TRAK1: variants seen among roughly 807,000 people sequenced by gnomAD.
TRAK1 encodes the protein trafficking kinesin-binding protein 1.
TRAK1 carries 33 observed loss-of-function variants against 92.1 expected under a neutral mutation model. The ratio of observed to expected loss-of-function variants is 0.36; its 90% CI spans 0.27 to 0.48. The LOEUF is 0.48. Ranked by LOEUF, TRAK1 falls within the 20% of genes least tolerant of loss-of-function variation. TRAK1 has a pLI of 0.99. For synonymous variants in TRAK1, 521 were observed against 517.3 expected, an observed-to-expected ratio of 1.01 and a Z score of -0.10; for missense variants, 1,123 against 1,257.9, an observed-to-expected ratio of 0.89 and a Z score of 1.62.
chr3:42,044,833 T>C (rs769280985), intron 1 of TRAK1, among the ~76,000 whole-genome samples: 1 of 146,694 alleles, frequency 6.8e-6, no homozygotes, highest in Non-Finnish European at 1.5e-5. Context: ...TTTCCTGTGC[T>C]CTGTTTTTTT....
intron 2 of TRAK1, among the ~76,000 whole-genome samples, chr3:42,157,036 C>T (rs765579559): frequency 1.3e-5 from 2 of 151,736 alleles, no homozygotes; most frequent in Non-Finnish European, 2.9e-5. Context: ...GCCTGTAATC[C>T]AGTTACTTGG....
intron 1 of TRAK1, among the ~76,000 whole-genome samples, chr3:42,068,963 A>G (rs1297871147): frequency 1.3e-5 from 2 of 152,266 alleles, no homozygotes; most frequent in Non-Finnish European, 2.9e-5. Flanking sequence ...ACAGGATTTG[A>G]ACTTATAGTG....
At chr3:42,110,484 TCCTCCTGCCTTTGCAGCATA>T (rs959441616) in intron 1 of TRAK1, among the ~76,000 whole-genome samples, 4 of 152,132 alleles carry the variant, frequency 2.6e-5, no homozygotes, top group African/African-American at 9.7e-5. Flanking sequence ...CTGAAAGGGT[TCCTCCTGCCTTTGCAGCATA>T]AGAGCTGAAG....
chr3:42,027,338 A>G (rs944784044), intron 1 of TRAK1, among the ~76,000 whole-genome samples: 18 of 152,264 alleles, frequency 1.2e-4, no homozygotes, highest in African/African-American at 4.3e-4. Context: ...CTTGGCTAAC[A>G]TAGTGAAACC....
chr3:42,058,482 C>T (rs1248830355), intron 1 of TRAK1, among the ~76,000 whole-genome samples: 4 of 151,942 alleles, frequency 2.6e-5, no homozygotes, highest in Admixed American at 1.3e-4. Context: ...GGATTACAGG[C>T]GCCCCCGCCA....
chr3:42,154,896 G>A (rs1198040255), intron 2 of TRAK1, among the ~76,000 whole-genome samples: 2 of 152,018 alleles, frequency 1.3e-5, no homozygotes, highest in East Asian at 3.9e-4. Flanking sequence ...AAGGAGATGG[G>A]GAGCAGTGCT....
intron 10 of TRAK1, 130 bp downstream of exon 10, chr3:42,195,071 C>T (rs1350358428): frequency 1.7e-6 from 2 of 1,153,484 alleles, no homozygotes; most frequent in Non-Finnish European, 2.4e-6. Context: ...AGATCTGAGT[C>T]TGAATCAAGG....
chr3:42,186,878 AC>A (rs1704950524), intron 4 of TRAK1, among the ~76,000 whole-genome samples: 1 of 152,240 alleles, frequency 6.6e-6, no homozygotes, highest in African/African-American at 2.4e-5. Context: ...TCCATGGAAG[AC>A]GTAATAATTC....
At position 42,057,385 on chromosome 3, in the gene TRAK1, G is replaced by T. The variant is rs184792119; in HGVS notation, c.-518-29719G>T. 2.0e-3 allele frequency among the ~76,000 whole-genome samples: 301 copies of T among 152,304 alleles called. 1 individual carries two copies. The highest frequency in any genetic ancestry group is 6.8e-3 in the African/African-American group (283 of 41,566). Reference sequence around the variant, plus strand: ...GTGAATGATGGGAGTAACAGAAATTGATTGCCAATTCACATCCATCTCTGC... The same window carrying T: ...GTGAATGATGGGAGTAACAGAAATTTATTGCCAATTCACATCCATCTCTGC... On this transcript the variant is annotated intron_variant, in intron 1 of 16. Coordinates refer to the TRAK1 transcript ENST00000487159.
intron 2 of TRAK1, among the ~76,000 whole-genome samples, chr3:42,132,604 C>T (rs980782694): frequency 2.0e-5 from 3 of 151,972 alleles, no homozygotes; most frequent in Non-Finnish European, 4.4e-5. Flanking sequence ...TTTTTTCCCC[C>T]TGAATATTTT....
chr3:42,184,860 G>A, intron 4 of TRAK1, 59 bp downstream of exon 4: 1 of 1,523,188 alleles, frequency 6.6e-7, no homozygotes, highest in Non-Finnish European at 9.1e-7. Context: ...GGAGCTGGAG[G>A]CATGGCTGAA....
Position 42,202,349 on chromosome 3 carries a change from C to T in TRAK1, c.1428-87C>T, listed in dbSNP as rs75705714. 17,350 of 1,286,990 alleles carry T rather than the reference C, an allele frequency of 0.013. 139 individuals carry two copies. Among genetic ancestry groups the T allele is most frequent in the Middle Eastern group, 0.026 (83 of 3,252 alleles). The allele number at this position is 1,286,990 out of a possible 1,614,324, so 79.7% of individuals were successfully genotyped here. A position where few individuals can be genotyped will look rare whatever the true frequency, so the allele number is the denominator to read the frequency against. ...TGGAGAATCCTGTAGCCCCAGGGAA[C>T]GTCCACCGCTGTGCATTGAGCAGTC... is the stretch of plus-strand genomic sequence containing the variant. On this transcript the variant is annotated intron_variant, in intron 12 of 15. Coordinates refer to ENST00000327628, the MANE Select transcript of TRAK1 (RefSeq NM_001042646.3). The surrounding 1 kb of genome is among the most constrained non-coding windows in gnomAD (Gnocchi z 6.1).
At chr3:42,157,293 T>C (rs1201393342) in intron 2 of TRAK1, among the ~76,000 whole-genome samples, 2 of 150,810 alleles carry the variant, frequency 1.3e-5, no homozygotes, top group African/African-American at 4.9e-5. Context: ...ACCCTGTCTC[T>C]ACAAAAAATA....
chr3:42,020,924 G>C (rs1701699301), intron 1 of TRAK1, among the ~76,000 whole-genome samples: 1 of 152,264 alleles, frequency 6.6e-6, no homozygotes, highest in Non-Finnish European at 1.5e-5. Flanking sequence ...TACTTAGTGT[G>C]AGATCCAGAG....
At chr3:42,158,787 C>CAA (rs149521969) in intron 2 of TRAK1, among the ~76,000 whole-genome samples, 3,902 of 69,460 alleles carry the variant, frequency 0.056, 227 homozygotes, top group African/African-American at 0.16. Context: ...ACAAAAAATA[C>CAA]AAAAAAAAAA....
rs67809792 is a variant in TRAK1, at chr3:42,069,320, C to CA, written c.-518-17773dup. 0.01 allele frequency among the ~76,000 whole-genome samples: 1,373 copies of CA among 137,272 alleles called. 60 individuals are homozygous for CA. In the East Asian group the frequency reaches 0.13, roughly 13 times the overall value. 90.1% of individuals were successfully genotyped at this position (137,272 alleles called of 152,430 possible). A position where few individuals can be genotyped will look rare whatever the true frequency, so the allele number is the denominator to read the frequency against. ...TGGGTGACACAGCAAGACCCTGTCT[C>CA]AAAAAAAAAAAGAAAAAAGAAAAGT... On this transcript the variant is annotated intron_variant, in intron 1 of 16. Transcript: ENST00000487159.
In TRAK1 at chr3:42,191,616, A is replaced by G. The variant is rs762952299; in HGVS notation, c.749A>G (p.Asn250Ser). The G allele has an allele frequency of 9.4e-6, 15 of 1,603,632 alleles. No individual in the cohort carries two copies. Among genetic ancestry groups the G allele is most frequent in the Admixed American group, 8.5e-5 (5 of 58,736 alleles). The change falls in exon 7 of 16, where the codon AAT becomes AGT. Residue 250 changes from asparagine to serine, a missense_variant. Physicochemically the swap from Asn to Ser is conservative, Grantham distance 46. Around this residue, in one of 3 missense-constraint regions of TRAK1, gnomAD observed 686 missense variants for 747.6 expected, o/e 0.92. Transcript: ENST00000327628. Reference sequence around the variant, plus strand: ...GAGGAGAAGGAGCAGCAGCTGGTCAATGACTGCGTGAAGGAGCTGAGTATG... The same window carrying G: ...GAGGAGAAGGAGCAGCAGCTGGTCAGTGACTGCGTGAAGGAGCTGAGTATG... ...TYEEKEQQLV[N>S]DCVKELRDAN...
At chr3:42,146,840 G>A (rs187399861) in intron 2 of TRAK1, among the ~76,000 whole-genome samples, 65 of 152,318 alleles carry the variant, frequency 4.3e-4, no homozygotes, top group African/African-American at 1.5e-3. Flanking sequence ...ACAGGCATGA[G>A]CCAATGCAAC....
intron 8 of TRAK1, 97 bp downstream of exon 8, chr3:42,193,302 T>G: frequency 5.3e-6 from 8 of 1,503,198 alleles, no homozygotes; most frequent in Non-Finnish European, 6.2e-6. Context: ...TAGTTTCATA[T>G]CTTAGCAGTT....
Sources: gnomAD v4.1 joint callset for allele counts (sites outside exome capture counted in the v4.1 genomes callset) on GRCh38, gnomAD v4.1.1 for gene constraint, gnomAD v4.1.1 regional missense constraint, Gnocchi (gnomAD v3.1) non-coding constraint, MANE v1.5 for transcripts, NCBI Gene and HGNC (gene_info 2026-07-23, HGNC 2026-07-21) for gene names.